Variants in GRID1 observed in about 807,000 individuals in gnomAD.
GRID1 encodes glutamate receptor ionotropic, delta-1.
Under a neutral mutation model 98.0 loss-of-function variants are expected in GRID1, and 28 were observed. That is an observed-to-expected ratio of 0.29 (90% confidence interval 0.21 to 0.39). The LOEUF (loss-of-function observed/expected upper bound fraction) is 0.39. Among genes scored for constraint, GRID1 ranks in the 10% least tolerant of loss-of-function variants. GRID1 has a pLI of 1.00. For synonymous variants in GRID1, 553 were observed against 538.5 expected (o/e 1.03, Z -0.37); for missense variants, 1,111 against 1,340.5 (o/e 0.83, Z 2.67).
intron 5 of GRID1, among the ~76,000 whole-genome samples, chr10:85,902,281 TG>T (rs1244838621): frequency 6.6e-6 from 1 of 152,156 alleles, no homozygotes; most frequent in Non-Finnish European, 1.5e-5. Flanking sequence ...GTGGAGACCC[TG>T]GATAAAGGGA....
At chr10:85,989,918 T>C (rs1842659355) in intron 4 of GRID1, among the ~76,000 whole-genome samples, 1 of 152,132 alleles carries the variant, frequency 6.6e-6, no homozygotes. Flanking sequence ...TCATAATGAG[T>C]GCCTTATAAA....
chr10:86,179,046 G>A (rs1411276705), intron 3 of GRID1, among the ~76,000 whole-genome samples: 1 of 152,072 alleles, frequency 6.6e-6, no homozygotes, highest in East Asian at 1.9e-4. Flanking sequence ...AGGATGGGAT[G>A]GAATGCCTGG....
chr10:86,102,863 G>T (rs979274718), intron 4 of GRID1, among the ~76,000 whole-genome samples: 5 of 152,180 alleles, frequency 3.3e-5, no homozygotes, highest in African/African-American at 1.2e-4. Context: ...GCACCCAGTG[G>T]GAGGTAATTG....
intron 8 of GRID1, among the ~76,000 whole-genome samples, chr10:85,779,065 T>G (rs772898563): frequency 7.2e-5 from 11 of 152,230 alleles, no homozygotes; most frequent in Non-Finnish European, 1.2e-4. Context: ...TTTCAAAATG[T>G]CTTCAGTGAA....
chr10:86,331,625 A>G (rs1848144008), intron 2 of GRID1, among the ~76,000 whole-genome samples: 1 of 152,216 alleles, frequency 6.6e-6, no homozygotes, highest in Non-Finnish European at 1.5e-5. Context: ...TTGGGACCCC[A>G]GGAGCAGGGG....
intron 4 of GRID1, among the ~76,000 whole-genome samples, chr10:86,057,757 C>T (rs1843594377): frequency 1.3e-5 from 2 of 152,154 alleles, no homozygotes; most frequent in Non-Finnish European, 2.9e-5. Flanking sequence ...CTCAGAACCA[C>T]ATCTCTTTCT....
chr10:85,999,180 C>G (rs1314444120), intron 4 of GRID1, among the ~76,000 whole-genome samples: 1 of 149,654 alleles, frequency 6.7e-6, no homozygotes, highest in East Asian at 2.0e-4. Context: ...CCACTGCACT[C>G]CAGCCTGGCC....
At chr10:85,921,232 T>G (rs1257304215) in intron 4 of GRID1, among the ~76,000 whole-genome samples, 3 of 152,220 alleles carry the variant, frequency 2.0e-5, no homozygotes, top group Non-Finnish European at 4.4e-5. Flanking sequence ...TGTGTTGACT[T>G]ATGTGTATAT....
At chr10:86,127,102 G>C (rs1389973736) in intron 4 of GRID1, among the ~76,000 whole-genome samples, 1 of 152,204 alleles carries the variant, frequency 6.6e-6, no homozygotes, top group Non-Finnish European at 1.5e-5. Flanking sequence ...CAGAGAGAAG[G>C]GGCAGCTATG....
intron 4 of GRID1, among the ~76,000 whole-genome samples, chr10:86,013,671 G>C (rs1353368982): frequency 6.6e-6 from 1 of 152,124 alleles, no homozygotes; most frequent in African/African-American, 2.4e-5. Flanking sequence ...GCAACTTTCT[G>C]TCTCTGAGCT....
chr10:86,035,835 C>G (rs1041857280), intron 4 of GRID1, among the ~76,000 whole-genome samples: 8 of 151,934 alleles, frequency 5.3e-5, no homozygotes, highest in African/African-American at 1.7e-4. Context: ...TACACAGGCC[C>G]AGTGAAAATA....
At chr10:86,028,512 A>G (rs1195442675) in intron 4 of GRID1, among the ~76,000 whole-genome samples, 1 of 152,218 alleles carries the variant, frequency 6.6e-6, no homozygotes, top group Non-Finnish European at 1.5e-5. Flanking sequence ...AATGCTCTAG[A>G]AATGATGAGA....
intron 4 of GRID1, among the ~76,000 whole-genome samples, chr10:86,080,679 A>G (rs1843964719): frequency 6.6e-6 from 1 of 152,092 alleles, no homozygotes. Context: ...AAACTCTGAC[A>G]CAAGGAGTCA....
intron 2 of GRID1, among the ~76,000 whole-genome samples, chr10:86,360,062 A>C (rs1255682856): frequency 4.6e-5 from 7 of 152,232 alleles, no homozygotes; most frequent in Admixed American, 4.6e-4. Context: ...AGTCATCCTG[A>C]AGAAATTGTA....
chr10:86,283,908 A>G (rs147706981), intron 2 of GRID1, among the ~76,000 whole-genome samples: 219 of 151,288 alleles, frequency 1.4e-3, no homozygotes, highest in African/African-American at 4.8e-3. Flanking sequence ...CTGTATATAC[A>G]CACCTGCCCT....
chr10:85,776,167 G>T (rs78784866), intron 8 of GRID1, among the ~76,000 whole-genome samples: 111 of 152,286 alleles, frequency 7.3e-4, no homozygotes, highest in African/African-American at 2.6e-3. Flanking sequence ...CCTGCTGGAG[G>T]AAATGGTTGG....
chr10:86,110,253 C>T lies in GRID1; in HGVS notation c.726+28566G>A, dbSNP rs535906103. On this transcript the variant is annotated intron_variant, in intron 4 of 15. Transcript: ENST00000327946. ...CCTCCCAAAGTGTTGGGATTACAGG[C>T]ATGAGCCACCGCCCCCGGCCTTCCA... 1.3e-3 allele frequency among the ~76,000 whole-genome samples: 195 copies of T among 152,314 alleles called. No individual in the cohort carries two copies. In the Middle Eastern group the frequency reaches 0.014, roughly 11 times the overall value.
chr10:86,076,095 A>G (rs1378471603), intron 4 of GRID1, among the ~76,000 whole-genome samples: 1 of 152,228 alleles, frequency 6.6e-6, no homozygotes, highest in Non-Finnish European at 1.5e-5. Context: ...GGAAAGGCTC[A>G]CCTATTCTCA....
chr10:86,327,697 A>G (rs1442696259), intron 2 of GRID1, among the ~76,000 whole-genome samples: 1 of 152,248 alleles, frequency 6.6e-6, no homozygotes, highest in Non-Finnish European at 1.5e-5. Flanking sequence ...AATTAGGGAA[A>G]TGGAAAAGAA....
Sources: gnomAD v4.1 joint callset for allele counts (sites outside exome capture counted in the v4.1 genomes callset) on GRCh38, gnomAD v4.1.1 for gene constraint, MANE v1.5 for transcripts, NCBI Gene and HGNC (gene_info 2026-07-23, HGNC 2026-07-21) for gene names.